LMF1: variants seen among roughly 807,000 people sequenced by gnomAD.
LMF1 encodes the protein transmembrane protein 112.
LMF1 carries 68 observed loss-of-function variants against 60.6 expected under a neutral mutation model. That is an observed-to-expected ratio of 1.12 (90% confidence interval 0.92 to 1.37). The LOEUF is 1.37. LMF1 is among the 40% of genes most tolerant of loss of function. The pLI is 0.00. For missense variants in LMF1, 948 were observed against 767.2 expected (o/e 1.24, Z -2.78); for synonymous variants, 418 against 324.7 (o/e 1.29, Z -3.09).
chr16:854,099 TG>T lies in LMF1; in HGVS notation c.*432del, dbSNP rs911854638. The T allele has an allele frequency of 4.4e-6, 2 of 458,542 alleles. No homozygotes were observed. Among genetic ancestry groups the T allele is most frequent in the African/African-American group, 2.0e-5 (1 of 50,196 alleles). The allele number at this position is 458,542 out of a possible 1,614,324, so 28.4% of individuals were successfully genotyped here. On this transcript the variant is annotated 3_prime_UTR_variant, in exon 11 of 11. Transcript: ENST00000262301. The stretch of plus-strand genomic sequence containing the variant: ...TTGGCTCTGAGGGTCAGGACCTGGC[TG>T]GGAACACACCATTGAAGAGGGAACA...
rs368175969 is a variant in LMF1, at chr16:953,895, A to G, written c.503+462T>C. ...CACAGACACCCCAAACCAGCCTCCT[A>G]CACGTCCACACAGACACCCACCCCA... is the stretch of plus-strand genomic sequence containing the variant. On this transcript the variant is annotated intron_variant, in intron 2 of 10. Transcript: ENST00000262301. 9.5e-5 allele frequency among the ~76,000 whole-genome samples: 6 copies of G among 62,918 alleles called. 1 individual carries two copies. In the East Asian group the frequency reaches 4.0e-3, roughly 42 times the overall value. 41.3% of individuals were successfully genotyped at this position (62,918 alleles called of 152,430 possible). A position where few individuals can be genotyped will look rare whatever the true frequency, so the allele number is the denominator to read the frequency against.
chr16:923,173 C>T (rs192900449), intron 3 of LMF1, among the ~76,000 whole-genome samples: 36 of 152,062 alleles, frequency 2.4e-4, no homozygotes, highest in Non-Finnish European at 4.7e-4. Flanking sequence ...TTCAGGTGTA[C>T]GAGGAGGCAT....
At chr16:855,199 G>A (rs1399813274) in intron 10 of LMF1, 1 of 234,316 alleles carries the variant, frequency 4.3e-6, no homozygotes, top group Non-Finnish European at 8.5e-6. Context: ...CTGTGAGGGA[G>A]CCAGGCCGGG....
chr16:916,562 G>C (rs2071284512), intron 3 of LMF1, among the ~76,000 whole-genome samples: 1 of 152,222 alleles, frequency 6.6e-6, no homozygotes, highest in Non-Finnish European at 1.5e-5. Context: ...GATGGGGGCT[G>C]GGGAGTTCGG....
intron 2 of LMF1, among the ~76,000 whole-genome samples, chr16:938,620 C>G (rs1485475625): frequency 1.3e-5 from 2 of 152,190 alleles, no homozygotes; most frequent in Admixed American, 1.3e-4. Flanking sequence ...CTTACTGGAG[C>G]TGCCAAGAGG....
intron 1 of LMF1, among the ~76,000 whole-genome samples, chr16:978,213 ACATACACACCACACAC>A (rs2073230115): frequency 6.8e-6 from 1 of 147,152 alleles, no homozygotes; most frequent in Non-Finnish European, 1.5e-5. Flanking sequence ...CACATCATAC[ACATACACACCACACAC>A]CATACACACC....
At chr16:881,849 G>A (rs1228119320) in intron 5 of LMF1, among the ~76,000 whole-genome samples, 1 of 152,180 alleles carries the variant, frequency 6.6e-6, no homozygotes, top group African/African-American at 2.4e-5. Flanking sequence ...TGGGGTGGGG[G>A]ACTTTAACCT....
At chr16:895,569 G>A (rs910181964) in intron 4 of LMF1, among the ~76,000 whole-genome samples, 4 of 152,212 alleles carry the variant, frequency 2.6e-5, no homozygotes, top group Non-Finnish European at 4.4e-5. Context: ...GACCTGGGCA[G>A]GGGAGGGGCG....
intron 1 of LMF1, chr16:964,199 G>A (rs1309467136): frequency 2.2e-6 from 1 of 448,102 alleles, no homozygotes; most frequent in Non-Finnish European, 4.5e-6. Flanking sequence ...GGGAGGCTGA[G>A]GCAGGAGAAT....
At chr16:947,294 A>G in intron 2 of LMF1, 1 of 362,648 alleles carries the variant, frequency 2.8e-6, no homozygotes, top group Non-Finnish European at 5.5e-6. Flanking sequence ...ATTAACACAG[A>G]GACAGAGGCT....
In LMF1 at chr16:979,352, G is replaced by A. The variant is rs1051988204; in HGVS notation, c.-135+1793C>T. The A allele has an allele frequency of 9.9e-5, 35 of 353,136 alleles. 1 individual carries two copies. The highest frequency in any genetic ancestry group is 4.3e-4 in the African/African-American group (20 of 46,614). 21.9% of individuals were successfully genotyped at this position (353,136 alleles called of 1,614,324 possible). On this transcript the variant is annotated intron_variant, in intron 1 of 6. Transcript: ENST00000570014. ...CGCCCTCCCGGGAGTGCACCAACAC[G>A]TCCTCAGCTGACTGGCCTAGGCCCC...
chr16:916,065 A>G (rs1410887944), intron 3 of LMF1, among the ~76,000 whole-genome samples: 2 of 152,172 alleles, frequency 1.3e-5, no homozygotes, highest in Non-Finnish European at 2.9e-5. Flanking sequence ...ATGAGGGGCC[A>G]GTGGGTTGTG....
intron 2 of LMF1, among the ~76,000 whole-genome samples, chr16:946,309 C>T (rs370627942): frequency 2.0e-4 from 30 of 152,354 alleles, no homozygotes; most frequent in African/African-American, 5.5e-4. Flanking sequence ...GTGTGCTTTC[C>T]GAATTCACTG....
At chr16:871,938 G>A (rs1020950414) in intron 6 of LMF1, 1 of 152,568 alleles carries the variant, frequency 6.6e-6, no homozygotes, top group Non-Finnish European at 1.5e-5. Flanking sequence ...CAGCACGGCT[G>A]GGAGAGCTCC....
chr16:929,959 CCT>C (rs2071725063), intron 3 of LMF1, among the ~76,000 whole-genome samples: 1 of 147,116 alleles, frequency 6.8e-6, no homozygotes, highest in Non-Finnish European at 1.5e-5. Context: ...GCAGCAGTCG[CCT>C]CTGTCTGAAC....
intron 2 of LMF1, among the ~76,000 whole-genome samples, chr16:945,174 G>A (rs990235032): frequency 1.5e-5 from 2 of 135,544 alleles, no homozygotes; most frequent in Non-Finnish European, 3.0e-5. Context: ...TCGCACCACT[G>A]CACTCCAGCC....
chr16:893,224 A>T (rs2070543615), intron 4 of LMF1, 152 bp from the exon 5 acceptor site: 1 of 715,906 alleles, frequency 1.4e-6, no homozygotes, highest in African/African-American at 1.8e-5. Context: ...CGTATGAAAC[A>T]CTCAGGAAGG....
At chr16:885,924 T>C (rs1168435830) in intron 5 of LMF1, among the ~76,000 whole-genome samples, 1 of 152,234 alleles carries the variant, frequency 6.6e-6, no homozygotes, top group Non-Finnish European at 1.5e-5. Context: ...CAAACGGAAC[T>C]TTCACTAAGA....
chr16:898,356 G>A (rs1405096835), intron 4 of LMF1, among the ~76,000 whole-genome samples: 1 of 152,258 alleles, frequency 6.6e-6, no homozygotes, highest in African/African-American at 2.4e-5. Flanking sequence ...AGAGCCTAGG[G>A]GACCCACGCT....
Sources: allele counts gnomAD v4.1 joint callset (sites outside exome capture counted in the v4.1 genomes callset), GRCh38; gene constraint gnomAD v4.1.1; transcripts MANE v1.5; gene names NCBI Gene and HGNC (gene_info 2026-07-23, HGNC 2026-07-21).